Variants in GPRC6A observed in about 807,000 individuals in gnomAD.
The protein encoded by GPRC6A is G protein-coupled receptor class C group 6 member A.
Under a neutral mutation model 47.0 loss-of-function variants are expected in GPRC6A, and 54 were observed. That is an observed-to-expected ratio of 1.15 (90% CI 0.92 to 1.44). The LOEUF is 1.44. Among genes scored for constraint, GPRC6A ranks in the 40% most tolerant of loss-of-function variants. GPRC6A has a pLI of 0.00. For missense variants in GPRC6A, 1,112 were observed against 1,105.5 expected (o/e 1.01, Z -0.08); for synonymous variants, 347 against 377.1 (o/e 0.92, Z 0.93).
At chr6:116,800,379 C>T (rs1263886040) in intron 4 of GPRC6A, among the ~76,000 whole-genome samples, 2 of 141,736 alleles carry the variant, frequency 1.4e-5, no homozygotes, top group African/African-American at 5.1e-5. Flanking sequence ...CTCCCTCCCT[C>T]CCTCTCTCTC....
At chr6:116,803,451 G>A (rs1772739442) in intron 3 of GPRC6A, among the ~76,000 whole-genome samples, 1 of 152,012 alleles carries the variant, frequency 6.6e-6, no homozygotes, top group Non-Finnish European at 1.5e-5. Flanking sequence ...TTCCATTTAA[G>A]GGGGAGTCTC....
At chr6:116,812,246 C>T (rs759158609) in intron 1 of GPRC6A, among the ~76,000 whole-genome samples, 2 of 152,090 alleles carry the variant, frequency 1.3e-5, no homozygotes, top group African/African-American at 4.8e-5. Context: ...AAAACCCTGC[C>T]AGCCAAGGAT....
rs139248578 is a variant in GPRC6A, at chr6:116,802,940, C to A, written c.1336-2144G>T. On this transcript the variant is annotated intron_variant, in intron 3 of 5. Coordinates refer to ENST00000310357, the MANE Select transcript of GPRC6A (RefSeq NM_148963.4). Reference sequence around the variant, plus strand: ...AAATTATTAGTTACTATTATCTTACCATGCCAAAATTACTCTCATGTCTCT... The same window carrying A: ...AAATTATTAGTTACTATTATCTTACAATGCCAAAATTACTCTCATGTCTCT... 2.0e-3 allele frequency among the ~76,000 whole-genome samples: 303 copies of A among 152,150 alleles called. 1 individual carries two copies. The highest frequency in any genetic ancestry group is 6.1e-3 in the African/African-American group (252 of 41,532).
chr6:116,800,857 T>A, intron 3 of GPRC6A, 61 bp from the exon 4 acceptor site: 2 of 976,514 alleles, frequency 2.0e-6, no homozygotes, highest in Non-Finnish European at 3.2e-6. Context: ...TATCCATTAT[T>A]CTAATGATAA....
intron 1 of GPRC6A, among the ~76,000 whole-genome samples, chr6:116,825,711 A>AT (rs1773657116): frequency 6.6e-6 from 1 of 151,992 alleles, no homozygotes; most frequent in East Asian, 1.9e-4. Context: ...ATTTAAAAAA[A>AT]TCCTAAAATT....
intron 1 of GPRC6A, among the ~76,000 whole-genome samples, chr6:116,818,462 A>G (rs2114613839): frequency 8.4e-6 from 1 of 119,180 alleles, no homozygotes; most frequent in East Asian, 2.6e-4. Context: ...TGAACCCGGG[A>G]GGCGGAGCTT....
At chr6:116,829,157 C>T (rs1773767869), upstream of GPRC6A, 1 of 832,886 alleles carries the variant, frequency 1.2e-6, no homozygotes, top group African/African-American at 1.7e-5. Flanking sequence ...TATTCAGATA[C>T]TTGATGATAG....
intron 3 of GPRC6A, 78 bp from the exon 4 acceptor site, chr6:116,800,874 C>T (rs756015329): frequency 1.2e-6 from 1 of 816,196 alleles, no homozygotes; most frequent in Non-Finnish European, 2.0e-6. Context: ...ATAACACTGC[C>T]TTATAAAGCA....
At chr6:116,813,996 T>A (rs575374731) in intron 1 of GPRC6A, among the ~76,000 whole-genome samples, 1 of 152,152 alleles carries the variant, frequency 6.6e-6, no homozygotes, top group African/African-American at 2.4e-5. Context: ...AACAGACACA[T>A]GAAAAAATGC....
intron 1 of GPRC6A, among the ~76,000 whole-genome samples, chr6:116,814,141 T>C (rs1773125414): frequency 6.6e-6 from 1 of 152,164 alleles, no homozygotes; most frequent in African/African-American, 2.4e-5. Context: ...TAGGAATGCT[T>C]TTATACTGCT....
chr6:116,827,130 A>G (rs943877172), intron 1 of GPRC6A, among the ~76,000 whole-genome samples: 2 of 152,058 alleles, frequency 1.3e-5, no homozygotes, highest in African/African-American at 4.8e-5. Flanking sequence ...TAGAAGTTCA[A>G]TCGTTTGACA....
chr6:116,824,544 G>C (rs1269856799), intron 1 of GPRC6A, among the ~76,000 whole-genome samples: 1 of 151,874 alleles, frequency 6.6e-6, no homozygotes, highest in East Asian at 1.9e-4. Flanking sequence ...ATTAAATAAG[G>C]AAGAAATAGA....
In GPRC6A at chr6:116,806,425, C is replaced by T. The variant is rs563483944; in HGVS notation, c.1280G>A (p.Arg427Gln). The change falls in exon 3 of 6, where the codon CGG becomes CAG. Residue 427 changes from arginine to glutamine, a missense_variant. Physicochemically the swap from Arg to Gln is conservative, Grantham distance 43. Coordinates refer to ENST00000310357, the MANE Select transcript of GPRC6A (RefSeq NM_148963.4). Reference protein sequence around the residue: ...LAVFALGYAIRDLCQARDCQN... With the variant: ...LAVFALGYAIQDLCQARDCQN... ...ACAGTCACGAGCTTGACACAGATCC[C>T]GAATGGCATAACCAAGGGCAAACAC... 20 of 1,613,272 alleles carry T rather than the reference C, an allele frequency of 1.2e-5. No individual in the cohort carries two copies. Among genetic ancestry groups the T allele is most frequent in the Middle Eastern group, 1.7e-4 (1 of 6,052 alleles).
chr6:116,826,476 C>G (rs763533919), intron 1 of GPRC6A, among the ~76,000 whole-genome samples: 8 of 151,820 alleles, frequency 5.3e-5, no homozygotes, highest in Non-Finnish European at 1.2e-4. Flanking sequence ...ATTGAAACCA[C>G]AATGAGATAT....
At chr6:116,823,720 A>G (rs1369847615) in intron 1 of GPRC6A, among the ~76,000 whole-genome samples, 2 of 152,264 alleles carry the variant, frequency 1.3e-5, no homozygotes, top group South Asian at 4.1e-4. Context: ...AAGAGGTTTA[A>G]TTGGCTCATG....
chr6:116,813,573 G>A lies in GPRC6A; in HGVS notation c.195-3956C>T, dbSNP rs942011147. Among the ~76,000 whole-genome samples the A allele has an allele frequency of 4.6e-5, 7 of 152,058 alleles. 1 individual carries two copies. The highest frequency in any genetic ancestry group is 2.0e-4 in the Admixed American group (3 of 15,252). On this transcript the variant is annotated intron_variant, in intron 1 of 5. Transcript: ENST00000310357. ...TAGCCATATGCAGAAAGCTGAAACC[G>A]GATCCCTTCCTTACACCTTATACAA...
rs775848798 is a variant in GPRC6A, at chr6:116,792,185, C to A, written c.2738G>T (p.Ser913Ile). 1 of 1,613,946 alleles carries A rather than the reference C, an allele frequency of 6.2e-7. No individual in the cohort carries two copies. The highest frequency in any genetic ancestry group is 1.7e-5 in the Admixed American group (1 of 60,004). Residue 913 changes from serine to isoleucine, a missense_variant, in exon 6 of 6, where the codon AGT becomes ATT. Physicochemically the swap from Ser to Ile is moderately radical, Grantham distance 142 (BLOSUM62 -2). Transcript: ENST00000310357. ...FAHICRENATSVSKTLPRKRM... is the reference protein window; with the variant it reads ...FAHICRENATIVSKTLPRKRM... ...TTTTCGAGGCAAAGTTTTAGATACA[C>A]TTGTGGCATTTTCCCTGCATATGTG...
chr6:116,823,957 T>A (rs1429368374), intron 1 of GPRC6A, among the ~76,000 whole-genome samples: 1 of 152,068 alleles, frequency 6.6e-6, no homozygotes, highest in African/African-American at 2.4e-5. Context: ...AAGCCATTCA[T>A]AAGAAACTGC....
At chr6:116,818,213 TG>T (rs1773301097) in intron 1 of GPRC6A, among the ~76,000 whole-genome samples, 2 of 151,274 alleles carry the variant, frequency 1.3e-5, no homozygotes, top group South Asian at 2.1e-4. Context: ...CAGAAGAGAG[TG>T]GGGGCCAATA....
Sources: allele counts gnomAD v4.1 joint callset (sites outside exome capture counted in the v4.1 genomes callset), GRCh38; gene constraint gnomAD v4.1.1; transcripts MANE v1.5; gene names NCBI Gene and HGNC (gene_info 2026-07-23, HGNC 2026-07-21).